PIBF1: variants seen among roughly 807,000 people sequenced by gnomAD.
PIBF1 encodes the protein progesterone-induced-blocking factor 1.
In PIBF1, 90 loss-of-function variants were observed where a neutral mutation model predicts 112.5. That is an observed-to-expected ratio of 0.80 (90% CI 0.67 to 0.95). PIBF1 has a LOEUF of 0.95. Ranked by LOEUF, PIBF1 falls within the 40% of genes least tolerant of loss-of-function variation. The pLI, the probability that PIBF1 is intolerant of heterozygous loss-of-function variation, is 0.00. For synonymous variants in PIBF1, 301 were observed against 288.6 expected (o/e 1.04, Z -0.44); for missense variants, 915 against 852.3 (o/e 1.07, Z -0.92).
intron 12 of PIBF1, among the ~76,000 whole-genome samples, chr13:72,915,014 CAA>C (rs1383834804): frequency 6.6e-6 from 1 of 151,760 alleles, no homozygotes; most frequent in Non-Finnish European, 1.5e-5. Flanking sequence ...GGGGAAAAGA[CAA>C]TAATAAAAAA....
At chr13:72,846,367 A>G (rs570273220) in intron 9 of PIBF1, among the ~76,000 whole-genome samples, 1 of 152,242 alleles carries the variant, frequency 6.6e-6, no homozygotes, top group East Asian at 1.9e-4. Flanking sequence ...GCTTCAAGTC[A>G]CCATTATCTC....
intron 11 of PIBF1, among the ~76,000 whole-genome samples, chr13:72,897,991 G>A (rs139549592): frequency 1.2e-4 from 19 of 152,130 alleles, no homozygotes; most frequent in East Asian, 9.7e-4. Flanking sequence ...ACATTTCATC[G>A]AACAACTGCA....
intron 5 of PIBF1, among the ~76,000 whole-genome samples, chr13:72,799,938 T>G (rs1405524770): frequency 6.6e-6 from 1 of 152,182 alleles, no homozygotes; most frequent in African/African-American, 2.4e-5. Context: ...GAGTTTGTGG[T>G]TTTTCTGCCC....
chr13:72,783,870 T>C (rs2034444001), intron 2 of PIBF1, 149 bp downstream of exon 2: 1 of 847,988 alleles, frequency 1.2e-6, no homozygotes, highest in Non-Finnish European at 1.8e-6. Context: ...TTGGTGTTCA[T>C]AGAAGTAGAG....
At chr13:72,829,271 T>C (rs1007171763) in intron 8 of PIBF1, among the ~76,000 whole-genome samples, 1 of 152,212 alleles carries the variant, frequency 6.6e-6, no homozygotes, top group Non-Finnish European at 1.5e-5. Context: ...GTGCAGAAGC[T>C]CTTTAGTTTA....
intron 6 of PIBF1, among the ~76,000 whole-genome samples, chr13:72,826,311 C>T (rs78541396): frequency 0.015 from 2,270 of 152,110 alleles, 62 homozygotes; most frequent in African/African-American, 0.051. Flanking sequence ...GCTTTCTAAA[C>T]GTTTTTGAAA....
Position 72,792,547 on chromosome 13 carries a change from G to A in PIBF1, c.353G>A (p.Ser118Asn), listed in dbSNP as rs1303093841. 1 of 1,447,888 alleles carries A rather than the reference G, an allele frequency of 6.9e-7. No individual in the cohort carries two copies. 89.7% of individuals were successfully genotyped at this position (1,447,888 alleles called of 1,614,324 possible). A position where few individuals can be genotyped will look rare whatever the true frequency, so the allele number is the denominator to read the frequency against. Residue 118 changes from serine (S) to asparagine (N), a missense_variant and splice_region_variant, in exon 3 of 18, where the codon AGC becomes AAC. Ser to Asn is a conservative substitution (Grantham distance 46). Coordinates refer to ENST00000326291, the MANE Select transcript of PIBF1 (RefSeq NM_006346.4). The stretch of plus-strand genomic sequence containing the variant: ...TTGGCTTTTCAACAGAAAGATGCCA[G>A]GTAAGAAAAGTTTTTTTTAAAAAAA... ...NQLAFQQKDA[S>N]KYQELMKQEM...
At chr13:72,898,922 C>A (rs563084970) in intron 11 of PIBF1, among the ~76,000 whole-genome samples, 1 of 150,690 alleles carries the variant, frequency 6.6e-6, no homozygotes, top group South Asian at 2.1e-4. Context: ...AATAACCTCA[C>A]TGAGAAATGA....
intron 8 of PIBF1, among the ~76,000 whole-genome samples, chr13:72,831,324 T>C (rs761413293): frequency 2.0e-5 from 3 of 152,208 alleles, no homozygotes; most frequent in Non-Finnish European, 4.4e-5. Context: ...ATTTGTTTGC[T>C]GTTGCTTCTC....
At chr13:72,871,161 G>A (rs1380793321) in intron 10 of PIBF1, among the ~76,000 whole-genome samples, 1 of 152,080 alleles carries the variant, frequency 6.6e-6, no homozygotes, top group Non-Finnish European at 1.5e-5. Context: ...GTGATGGGTG[G>A]TAGAGATTTT....
intron 16 of PIBF1, among the ~76,000 whole-genome samples, chr13:72,992,234 A>G (rs1355397139): frequency 1.3e-5 from 2 of 152,210 alleles, no homozygotes; most frequent in Non-Finnish European, 2.9e-5. Context: ...TGGTAAAAGG[A>G]AAAGAGGATT....
chr13:72,981,851 A>G lies in PIBF1; in HGVS notation c.2049+8176A>G, dbSNP rs140364420. On this transcript the variant is annotated intron_variant, in intron 16 of 17. Coordinates refer to ENST00000326291, the MANE Select transcript of PIBF1 (RefSeq NM_006346.4). ...TCTCTCATTAAATTGTAAGACTGGC[A>G]TTACCTTTATATTCCTTACATCTTC... 4.4e-3 allele frequency among the ~76,000 whole-genome samples: 676 copies of G among 152,338 alleles called. 5 individuals are homozygous for G. Among genetic ancestry groups the G allele is most frequent in the Admixed American group, 8.2e-3 (126 of 15,298 alleles).
chr13:72,873,187 A>T (rs1011882870), intron 10 of PIBF1, among the ~76,000 whole-genome samples: 1 of 152,198 alleles, frequency 6.6e-6, no homozygotes, highest in African/African-American at 2.4e-5. Flanking sequence ...TGAGGAAATG[A>T]TAATCTTTTC....
At chr13:72,898,380 A>G (rs1348614044) in intron 11 of PIBF1, among the ~76,000 whole-genome samples, 1 of 152,052 alleles carries the variant, frequency 6.6e-6, no homozygotes, top group Non-Finnish European at 1.5e-5. Flanking sequence ...ACAAACAGAC[A>G]ATCTAAGGTC....
intron 2 of PIBF1, among the ~76,000 whole-genome samples, chr13:72,789,523 A>G (rs746526569): frequency 6.6e-6 from 1 of 151,960 alleles, no homozygotes. Context: ...CTTTTTATTT[A>G]TCTCTCATTA....
chr13:72,889,700 C>T (rs1024236062), intron 10 of PIBF1, among the ~76,000 whole-genome samples: 2 of 152,178 alleles, frequency 1.3e-5, no homozygotes, highest in Non-Finnish European at 2.9e-5. Flanking sequence ...CTGCCACATA[C>T]AGATAAATGC....
chr13:72,969,889 T>C (rs888428375), intron 15 of PIBF1: 1 of 152,206 alleles, frequency 6.6e-6, no homozygotes, highest in Non-Finnish European at 1.5e-5. Context: ...TTGTCTTTTA[T>C]TTGAAATTTA....
At chr13:72,985,463 C>T (rs1450660936) in intron 16 of PIBF1, among the ~76,000 whole-genome samples, 2 of 151,682 alleles carry the variant, frequency 1.3e-5, no homozygotes, top group African/African-American at 2.4e-5. Context: ...TGGCTGAACC[C>T]GGGAGGCAGA....
chr13:72,962,391 G>A (rs1438588691), intron 14 of PIBF1, among the ~76,000 whole-genome samples: 1 of 152,112 alleles, frequency 6.6e-6, no homozygotes, highest in Non-Finnish European at 1.5e-5. Flanking sequence ...GAGCTCAGGA[G>A]TTCAAGCCCA....
Sources: gnomAD v4.1 joint callset for allele counts (sites outside exome capture counted in the v4.1 genomes callset) on GRCh38, gnomAD v4.1.1 for gene constraint, MANE v1.5 for transcripts, NCBI Gene and HGNC (gene_info 2026-07-23, HGNC 2026-07-21) for gene names.